Variants in SLC4A7 observed in about 807,000 individuals in gnomAD.
SLC4A7 encodes solute carrier family 4 member 7, also known as sodium bicarbonate cotransporter 3.
In SLC4A7, 51 loss-of-function variants were observed where a neutral mutation model predicts 137.6. The ratio of observed to expected loss-of-function variants is 0.37; its 90% CI spans 0.30 to 0.47. The LOEUF (loss-of-function observed/expected upper bound fraction) is 0.47, where lower values mean the gene tolerates loss of function less well. Among genes scored for constraint, SLC4A7 ranks in the 20% least tolerant of loss-of-function variants. SLC4A7 has a pLI of 1.00. For missense variants in SLC4A7, 1,247 were observed against 1,525.4 expected (o/e 0.82, Z 3.04); for synonymous variants, 542 against 518.6 (o/e 1.05, Z -0.61).
chr3:27,422,221 A>G (rs1000791548), intron 8 of SLC4A7, among the ~76,000 whole-genome samples: 13 of 152,140 alleles, frequency 8.5e-5, no homozygotes, highest in African/African-American at 3.1e-4. Context: ...TACTCTGGGC[A>G]TTTCCCAGTC....
chr3:27,412,079 ATC>A, intron 11 of SLC4A7, among the ~76,000 whole-genome samples: 1 of 152,332 alleles, frequency 6.6e-6, no homozygotes, highest in African/African-American at 2.4e-5. Context: ...CCAAAAAAGC[ATC>A]TCTCCCACCA....
intron 3 of SLC4A7, among the ~76,000 whole-genome samples, chr3:27,444,732 T>C (rs1322664436): frequency 6.6e-6 from 1 of 152,228 alleles, no homozygotes; most frequent in African/African-American, 2.4e-5. Context: ...AATATGCTAG[T>C]TGCTTTAACA....
At position 27,398,726 on chromosome 3, in the gene SLC4A7, C is replaced by T. The variant is rs1433617548; in HGVS notation, c.2428-373G>A. Among the ~76,000 whole-genome samples the T allele has an allele frequency of 3.9e-5, 6 of 152,202 alleles. No individual in the cohort carries two copies. In the South Asian group the frequency reaches 8.3e-4, roughly 21 times the overall value. ...GCTTGTCCACAATTTTACCGCTTTT[C>T]GTTTCTGAACAAGTGGTTTAAAACA... On this transcript the variant is annotated intron_variant, in intron 16 of 25. Coordinates refer to ENST00000454389, the MANE Select transcript of SLC4A7 (RefSeq NM_001321103.2).
intron 3 of SLC4A7, among the ~76,000 whole-genome samples, chr3:27,441,563 G>T (rs145696173): frequency 2.9e-3 from 436 of 152,156 alleles, no homozygotes; most frequent in African/African-American, 4.1e-3. Flanking sequence ...CACAAGCATG[G>T]CTCACTGCGG....
Position 27,436,368 on chromosome 3 carries a change from A to T in SLC4A7, c.589+20T>A, listed in dbSNP as rs746184245. 17 of 1,588,046 alleles carry T rather than the reference A, an allele frequency of 1.1e-5. No homozygotes were observed. The highest frequency in any genetic ancestry group is 1.4e-5 in the Non-Finnish European group (16 of 1,162,860). Reference sequence around the variant, plus strand: ...TTCCACTACACCTTACATATTTTTTAAAAGTCAGTTTACTATAACCTGCTA... The same window carrying T: ...TTCCACTACACCTTACATATTTTTTTAAAGTCAGTTTACTATAACCTGCTA... On this transcript the variant is annotated intron_variant, in intron 5 of 25. Coordinates refer to ENST00000454389, the MANE Select transcript of SLC4A7 (RefSeq NM_001321103.2).
intron 11 of SLC4A7, 110 bp from the exon 12 acceptor site, chr3:27,411,858 G>A (rs1321027521): frequency 4.6e-6 from 2 of 435,734 alleles, no homozygotes; most frequent in African/African-American, 2.0e-5. Flanking sequence ...TATCTAATCA[G>A]TTCTCCTAGA....
chr3:27,439,870 T>A lies in SLC4A7; in HGVS notation c.290-2344A>T, dbSNP rs150950464. 3.5e-3 allele frequency among the ~76,000 whole-genome samples: 531 copies of A among 152,318 alleles called. 1 individual carries two copies. Among genetic ancestry groups the A allele is most frequent in the African/African-American group, 0.012 (496 of 41,584 alleles). On this transcript the variant is annotated intron_variant, in intron 3 of 25. Transcript: ENST00000454389. ...TATATGGTGGTTTTCTTGGTTTTTG[T>A]AGATGCTCTTTATCAGGTTAAGGAA...
intron 1 of SLC4A7, among the ~76,000 whole-genome samples, chr3:27,455,109 G>A (rs966915174): frequency 3.3e-5 from 5 of 151,386 alleles, no homozygotes; most frequent in African/African-American, 9.7e-5. Context: ...CAACTTCTCT[G>A]AACTTTCATT....
At chr3:27,470,899 G>A (rs1031425926) in intron 1 of SLC4A7, among the ~76,000 whole-genome samples, 3 of 151,998 alleles carry the variant, frequency 2.0e-5, no homozygotes, top group African/African-American at 2.4e-5. Context: ...CCGAGATCGC[G>A]CCACTGCACT....
At chr3:27,442,941 T>C (rs545365668) in intron 3 of SLC4A7, among the ~76,000 whole-genome samples, 126 of 151,902 alleles carry the variant, frequency 8.3e-4, no homozygotes, top group African/African-American at 2.5e-3. Context: ...CCAGTGCTTG[T>C]AGATTGTCTT....
chr3:27,463,071 G>C (rs958958931), intron 1 of SLC4A7, among the ~76,000 whole-genome samples: 2 of 152,174 alleles, frequency 1.3e-5, no homozygotes, highest in East Asian at 1.9e-4. Flanking sequence ...GAGGTGGGCA[G>C]ATCACCCGAG....
chr3:27,395,769 T>C (rs1369944952), intron 18 of SLC4A7, among the ~76,000 whole-genome samples: 1 of 152,204 alleles, frequency 6.6e-6, no homozygotes, highest in Non-Finnish European at 1.5e-5. Flanking sequence ...TATGTAGAAA[T>C]TGATAAGCAA....
In SLC4A7 at chr3:27,431,842, A is replaced by G. The variant is rs144286498; in HGVS notation, c.779-173T>C. On this transcript the variant is annotated intron_variant, in intron 6 of 25. Coordinates refer to ENST00000454389, the MANE Select transcript of SLC4A7 (RefSeq NM_001321103.2). ...GTTTTTACATGTTAGAAAGTCACTA[A>G]AAAGTTGGTTAAAACTGTAATTAGT... 4.8e-4 allele frequency among the ~76,000 whole-genome samples: 73 copies of G among 152,334 alleles called. No individual in the cohort carries two copies. The East Asian group carries it at 0.014, about 29-fold the overall frequency.
intron 14 of SLC4A7, 128 bp from the exon 15 acceptor site, chr3:27,403,512 G>C: frequency 1.8e-6 from 1 of 556,120 alleles, no homozygotes; most frequent in Non-Finnish European, 3.1e-6. Context: ...ATTACAGAAT[G>C]ACAAAATAAC....
At chr3:27,424,866 A>G (rs531985317) in intron 7 of SLC4A7, among the ~76,000 whole-genome samples, 123 of 152,312 alleles carry the variant, frequency 8.1e-4, no homozygotes, top group Middle Eastern at 3.4e-3. Context: ...TCCATCTCTA[A>G]GAGTCAGACA....
intron 18 of SLC4A7, 74 bp from the exon 19 acceptor site, chr3:27,395,189 G>C: frequency 9.4e-7 from 1 of 1,066,024 alleles, no homozygotes; most frequent in South Asian, 2.0e-5. Context: ...ACATAGACTT[G>C]ATCTGTTCCA....
At chr3:27,393,082 A>G (rs1576160693) in intron 20 of SLC4A7, among the ~76,000 whole-genome samples, 1 of 152,116 alleles carries the variant, frequency 6.6e-6, no homozygotes, top group Non-Finnish European at 1.5e-5. Flanking sequence ...AACAGAGACA[A>G]TAGACGAAAA....
chr3:27,428,963 T>C (rs1013791548), intron 7 of SLC4A7, among the ~76,000 whole-genome samples: 5 of 152,172 alleles, frequency 3.3e-5, no homozygotes, highest in African/African-American at 1.2e-4. Context: ...TTTCATACTT[T>C]ATAGCCCTTA....
chr3:27,422,218 G>A (rs1056664773), intron 8 of SLC4A7, among the ~76,000 whole-genome samples: 1 of 151,834 alleles, frequency 6.6e-6, no homozygotes, highest in Non-Finnish European at 1.5e-5. Context: ...AATTACTCTG[G>A]GCATTTCCCA....
Sources: allele counts gnomAD v4.1 joint callset (sites outside exome capture counted in the v4.1 genomes callset), GRCh38; gene constraint gnomAD v4.1.1; transcripts MANE v1.5; gene names NCBI Gene and HGNC (gene_info 2026-07-23, HGNC 2026-07-21).